HAUS6: variants seen among roughly 807,000 people sequenced by gnomAD.
The protein encoded by HAUS6 is HAUS augmin like complex subunit 6.
Under a neutral mutation model 106.8 loss-of-function variants are expected in HAUS6, and 80 were observed. The ratio of observed to expected loss-of-function variants is 0.75; its 90% confidence interval spans 0.63 to 0.90. The LOEUF (loss-of-function observed/expected upper bound fraction) is 0.90, where lower values mean the gene tolerates loss of function less well. Ranked by LOEUF, HAUS6 falls within the 40% of genes least tolerant of loss-of-function variation. HAUS6 has a pLI of 0.00. For missense variants in HAUS6, 1,155 were observed against 1,118.1 expected, an observed-to-expected ratio of 1.03 and a Z score of -0.47; for synonymous variants, 356 against 379.1, an observed-to-expected ratio of 0.94 and a Z score of 0.71.
At chr9:19,094,281 T>C (rs780290596) in intron 3 of HAUS6, 36 bp downstream of exon 3, 2 of 1,263,054 alleles carry the variant, frequency 1.6e-6, no homozygotes, top group Non-Finnish European at 2.3e-6. Context: ...TTTTAACTTC[T>C]TAAAGTCTGT....
At chr9:19,084,113 C>G (rs1226526321) in intron 7 of HAUS6, among the ~76,000 whole-genome samples, 1 of 147,266 alleles carries the variant, frequency 6.8e-6, no homozygotes, top group Non-Finnish European at 1.5e-5. Flanking sequence ...AAAGTAGAAT[C>G]AATCCAAAGG....
In HAUS6 at chr9:19,058,122, A is replaced by C. The variant is rs1476863575; in HGVS notation, c.2645T>G (p.Leu882Trp). The change falls in exon 16 of 17, where the codon TTG (leucine) becomes TGG (tryptophan). Residue 882 changes from leucine to tryptophan, a missense_variant. By Grantham distance (61) the Leu-to-Trp change is moderately conservative. Around this residue, in one of 3 missense-constraint regions of HAUS6, gnomAD observed 380 missense variants for 394.8 expected, o/e 0.96. Transcript: ENST00000380502. ...NVQTDDTLNF[L>W]DTCDLHTEHI... ...CTCAGTATGCAAATCACAGGTGTCC[A>C]AAAAGTTAAGCGTATCATCTGTTTG... The C allele has an allele frequency of 3.1e-6, 5 of 1,614,100 alleles. No homozygotes were observed. The highest frequency in any genetic ancestry group is 4.2e-6 in the Non-Finnish European group (5 of 1,179,966).
At chr9:19,060,379 T>C (rs1836581198) in intron 14 of HAUS6, among the ~76,000 whole-genome samples, 156 bp from the exon 15 acceptor site, 1 of 152,238 alleles carries the variant, frequency 6.6e-6, no homozygotes, top group Admixed American at 6.5e-5. Context: ...CCAACAACTC[T>C]GTATAGACCA....
Position 19,063,054 on chromosome 9 carries a change from T to C in HAUS6, c.1583A>G (p.Lys528Arg), listed in dbSNP as rs1382473475. 26 of 1,611,732 alleles carry C rather than the reference T, an allele frequency of 1.6e-5. No homozygotes were observed. The East Asian group carries it at 5.3e-4, about 33-fold the overall frequency. Residue 528 changes from lysine to arginine, a missense_variant, in exon 14 of 17, where the codon AAA becomes AGA. By Grantham distance (26) the Lys-to-Arg change is conservative. Coordinates refer to ENST00000380502, the MANE Select transcript of HAUS6 (RefSeq NM_017645.5). ...SSAFGGSLPA[K>R]KSDPFQKEQD... ...CTCTTTTTGAAATGGATCACTTTTT[T>C]TAGCTGGCAAAGACCCTCCAAATGC...
Position 19,088,014 on chromosome 9 carries a change from A to T in HAUS6, c.585-858T>A, listed in dbSNP as rs72696475. Among the ~76,000 whole-genome samples the T allele has an allele frequency of 5.7e-3, 870 of 152,328 alleles. 4 individuals carry two copies. The highest frequency in any genetic ancestry group is 8.0e-3 in the Non-Finnish European group (542 of 68,028). On this transcript the variant is annotated intron_variant, in intron 5 of 16. Transcript: ENST00000380502. ...GAAAAAAAGATATGCTGCATAGATG[A>T]ACCTAAACATAAAATAGCATTAAGT...
At chr9:19,068,696 T>C (rs995755057) in intron 12 of HAUS6, among the ~76,000 whole-genome samples, 1 of 148,194 alleles carries the variant, frequency 6.7e-6, no homozygotes, top group East Asian at 1.9e-4. Context: ...AAGACACCTA[T>C]TTAGGTTAAA....
intron 2 of HAUS6, among the ~76,000 whole-genome samples, chr9:19,095,886 AT>A (rs1168076359): frequency 1.3e-5 from 2 of 152,300 alleles, no homozygotes; most frequent in Non-Finnish European, 2.9e-5. Flanking sequence ...AATAGGAATG[AT>A]TTTTGCCTAA....
At position 19,060,105 on chromosome 9, in the gene HAUS6, C is replaced by T. The variant is rs754587417; in HGVS notation, c.1748G>A (p.Arg583His). 1.6e-5 allele frequency: 26 copies of T among 1,606,102 alleles called. No homozygotes were observed. The highest frequency in any genetic ancestry group is 1.7e-4 in the Middle Eastern group (1 of 6,038). The change falls in exon 15 of 17, where the codon CGT becomes CAT. Residue 583 changes from arginine to histidine, a missense_variant. By Grantham distance (29) the Arg-to-His change is conservative. Around this residue, in one of 3 missense-constraint regions of HAUS6, gnomAD observed 761 missense variants for 690.0 expected, o/e 1.10. Coordinates refer to ENST00000380502, the MANE Select transcript of HAUS6 (RefSeq NM_017645.5). ...NPFLTRNQIP[R>H]TPENLITEIR... ...TAACTTACTCAAGTTTTCTGGAGTA[C>T]GGGGAATCTGATTCCTTGTTAAGAA...
chr9:19,080,367 A>G (rs1837113931), intron 9 of HAUS6, 112 bp downstream of exon 9: 1 of 679,596 alleles, frequency 1.5e-6, no homozygotes. Flanking sequence ...TTTGAGTATT[A>G]GAATTCTCAT....
intron 11 of HAUS6, among the ~76,000 whole-genome samples, chr9:19,070,653 G>C (rs1307972584): frequency 6.6e-6 from 1 of 152,202 alleles, no homozygotes; most frequent in Non-Finnish European, 1.5e-5. Context: ...GCATATTTCA[G>C]TGCACATTTA....
intron 2 of HAUS6, among the ~76,000 whole-genome samples, chr9:19,094,783 A>AAC (rs1817826553): frequency 1.3e-5 from 2 of 152,140 alleles, no homozygotes; most frequent in Admixed American, 6.6e-5. Context: ...CCTGTCTCAA[A>AAC]AGAAAAAAAA....
At chr9:19,071,312 A>C (rs1836877492) in intron 11 of HAUS6, among the ~76,000 whole-genome samples, 1 of 152,206 alleles carries the variant, frequency 6.6e-6, no homozygotes, top group Admixed American at 6.5e-5. Flanking sequence ...GAGATACAAA[A>C]AAGTTGTAAA....
At chr9:19,073,314 A>G (rs1243528547) in intron 11 of HAUS6, among the ~76,000 whole-genome samples, 1 of 150,902 alleles carries the variant, frequency 6.6e-6, no homozygotes, top group Non-Finnish European at 1.5e-5. Flanking sequence ...TTTTTAAAGT[A>G]AATTAAGTAA....
In HAUS6 at chr9:19,093,252, G is replaced by C; in HGVS notation, c.355C>G (p.Pro119Ala). Residue 119 changes from proline (P) to alanine (A), a missense_variant, in exon 4 of 17, where the codon CCT becomes GCT. Pro to Ala is a conservative substitution (Grantham distance 27, BLOSUM62 -1). Coordinates refer to ENST00000380502, the MANE Select transcript of HAUS6 (RefSeq NM_017645.5). ...PQVVGSLFLS[P>A]GGPKFIHLMY... ...AGATGAATAAACTTAGGACCACCAGGAGAAAGAAATAGTGAACCAACAACT... is the reference window on the plus strand; with the variant it reads ...AGATGAATAAACTTAGGACCACCAGCAGAAAGAAATAGTGAACCAACAACT... The C allele has an allele frequency of 1.9e-6, 3 of 1,610,238 alleles. No individual in the cohort carries two copies. Among genetic ancestry groups the C allele is most frequent in the Non-Finnish European group, 2.5e-6 (3 of 1,177,624 alleles).
At chr9:19,099,171 G>GTTTTTTTTTTTTTTTTGTTTTTTTTT in intron 1 of HAUS6, among the ~76,000 whole-genome samples, 1 of 143,062 alleles carries the variant, frequency 7.0e-6, no homozygotes, top group East Asian at 2.1e-4. Context: ...GTTTTTTTGT[G>GTTTTTTTTTTTTTTTTGTTTTTTTTT]TTTTTTTTTT....
intron 7 of HAUS6, among the ~76,000 whole-genome samples, chr9:19,084,040 C>A: frequency 2.4e-5 from 3 of 124,448 alleles, no homozygotes; most frequent in South Asian, 4.9e-4. Context: ...CCCTTAAGCC[C>A]AGGATCCTTG....
At chr9:19,088,865 G>A (rs968319114) in intron 5 of HAUS6, among the ~76,000 whole-genome samples, 14 of 152,098 alleles carry the variant, frequency 9.2e-5, no homozygotes, top group East Asian at 5.8e-4. Context: ...GCAACACAGC[G>A]AGACTCCATC....
rs1837055179 is a variant in HAUS6 at position 19,078,252 on chromosome 9, T to G, written c.1115A>C (p.Lys372Thr). 1 of 1,545,754 alleles carries G rather than the reference T, an allele frequency of 6.5e-7. No individual in the cohort carries two copies. Among genetic ancestry groups the G allele is most frequent in the South Asian group, 1.1e-5 (1 of 89,566 alleles). Reference sequence around the variant, plus strand: ...CCACTTTTTATGCCATTCTCCTTGCTTTTCAACAACAGAATGTCTTATAGT... The same window carrying G: ...CCACTTTTTATGCCATTCTCCTTGCGTTTCAACAACAGAATGTCTTATAGT... ...LTTIRHSVVE[K>T]QGEWHKKWKE... The change falls in exon 10 of 17, where the codon AAG (lysine) becomes ACG (threonine). Residue 372 changes from lysine (K) to threonine (T), a missense_variant. By Grantham distance (78) the Lys-to-Thr change is moderately conservative. This residue lies in a region of HAUS6 where 761 missense variants were observed against 690.0 expected (regional missense o/e 1.10). Transcript: ENST00000380502.
chr9:19,090,822 T>A (rs554931622), intron 4 of HAUS6, among the ~76,000 whole-genome samples: 1 of 152,222 alleles, frequency 6.6e-6, no homozygotes, highest in Admixed American at 6.5e-5. Flanking sequence ...TTCGTCACTG[T>A]GTTACTAAAA....
Sources: allele counts gnomAD v4.1 joint callset (sites outside exome capture counted in the v4.1 genomes callset), GRCh38; gene constraint gnomAD v4.1.1; regional missense constraint gnomAD v4.1.1; transcripts MANE v1.5; gene names NCBI Gene and HGNC (gene_info 2026-07-23, HGNC 2026-07-21).